The following DMD variants were observed in gnomAD, a reference collection of about 807,000 sequenced individuals.
DMD encodes dystrophin.
In DMD, 63 loss-of-function variants were observed where a neutral mutation model predicts 330.1. The ratio of observed to expected loss-of-function variants is 0.19; its 90% CI spans 0.16 to 0.24. The LOEUF (loss-of-function observed/expected upper bound fraction) is 0.24, where lower values mean the gene tolerates loss of function less well. Among genes scored for constraint, DMD ranks in the 10% least tolerant of loss-of-function variants. The probability of loss-of-function intolerance (pLI) is 1.00; values close to 1 mark genes in which losing one functional copy is unlikely to be tolerated. For synonymous variants in DMD, 1,223 were observed against 959.8 expected (o/e 1.27, Z -5.07); for missense variants, 3,344 against 2,684.1 (o/e 1.25, Z -5.43).
At chrX:31,382,758 T>C (rs1340591156) in intron 60 of DMD, among the ~76,000 whole-genome samples, 1 of 111,185 alleles carries the variant, frequency 9.0e-6, no homozygotes, top group African/African-American at 3.3e-5. Flanking sequence ...TTCAGCTTAA[T>C]CCCTCCCACT....
intron 60 of DMD, among the ~76,000 whole-genome samples, chrX:31,431,010 C>G (rs1401066231): frequency 9.2e-6 from 1 of 108,592 alleles, no homozygotes; most frequent in African/African-American, 3.4e-5. Context: ...ACCATTTGGT[C>G]AGGATGGTCT....
At chrX:31,981,224 T>TG (rs1472149907) in intron 44 of DMD, among the ~76,000 whole-genome samples, 7 of 111,404 alleles carry the variant, frequency 6.3e-5, no homozygotes, top group Non-Finnish European at 1.1e-4. Flanking sequence ...CGTGTGTATG[T>TG]GGGGGTGTAT....
chrX:31,220,108 C>T (rs2045849213), intron 64 of DMD, among the ~76,000 whole-genome samples: 1 of 111,215 alleles, frequency 9.0e-6, no homozygotes, highest in African/African-American at 3.3e-5. Context: ...CTAGGCTATA[C>T]CATCTAAGTT....
intron 44 of DMD, among the ~76,000 whole-genome samples, chrX:32,196,463 A>G (rs1022252817): frequency 6.2e-5 from 7 of 112,305 alleles, no homozygotes; most frequent in African/African-American, 1.3e-4. Context: ...TTTATGTTAT[A>G]TATTCAAATG....
At chrX:32,987,243 A>G (rs2092867761) in intron 2 of DMD, among the ~76,000 whole-genome samples, 1 of 112,127 alleles carries the variant, frequency 8.9e-6, no homozygotes, top group African/African-American at 3.2e-5. Flanking sequence ...CAGTAAAGCT[A>G]GACGGATCAA....
At chrX:31,656,534 T>C (rs2080796135) in intron 54 of DMD, among the ~76,000 whole-genome samples, 1 of 111,665 alleles carries the variant, frequency 9.0e-6, no homozygotes, top group South Asian at 3.8e-4. Context: ...CAAATTAATC[T>C]CTGACTTTAA....
At chrX:31,845,375 G>GTCTCTCTC (rs535397626) in intron 48 of DMD, among the ~76,000 whole-genome samples, 1,399 of 59,984 alleles carry the variant, frequency 0.023, 99 homozygotes, top group East Asian at 0.05. Context: ...ACAGAATAAA[G>GTCTCTCTC]TCTCTCTCTC....
Position 32,497,443 on chromosome X carries a change from T to C in DMD, c.2380+4312A>G, listed in dbSNP as rs367859578. Among the ~76,000 whole-genome samples, 4 of 112,195 alleles carry C rather than the reference T, an allele frequency of 3.6e-5. No individual in the cohort carries two copies. In the Admixed American group the frequency reaches 3.8e-4, roughly 11 times the overall value. On this transcript the variant is annotated intron_variant, in intron 19 of 78. Transcript: ENST00000357033. ...TAATTAACACACAGAAAACTACAAA[T>C]AGAAATTGAAAATGAATCACAATTT...
At chrX:31,522,363 C>CTATATATATATATATATATATATA (rs1556678891) in intron 55 of DMD, among the ~76,000 whole-genome samples, 8 of 35,958 alleles carry the variant, frequency 2.2e-4, no homozygotes, top group Admixed American at 4.2e-4. Context: ...CTCTCTCTCT[C>CTATATATATATATATATATATATA]TATATATATA....
At chrX:31,529,093 G>T (rs2073479942) in intron 55 of DMD, among the ~76,000 whole-genome samples, 2 of 111,602 alleles carry the variant, frequency 1.8e-5, no homozygotes, top group African/African-American at 6.5e-5. Flanking sequence ...ATGGTGGTGG[G>T]CACCTGTAAT....
chrX:32,938,970 T>C (rs1472565683), intron 2 of DMD, among the ~76,000 whole-genome samples: 1 of 110,604 alleles, frequency 9.0e-6, no homozygotes, highest in Non-Finnish European at 1.9e-5. Context: ...AAAATAGTTG[T>C]TGCAGAGCAA....
At chrX:33,327,342 A>G (rs1005840592) in intron 1 of DMD, among the ~76,000 whole-genome samples, 1 of 111,960 alleles carries the variant, frequency 8.9e-6, no homozygotes, top group African/African-American at 3.2e-5. Context: ...AAGAAAGAGA[A>G]AGAAATATTT....
At chrX:32,403,242 A>G (rs2098097145) in intron 30 of DMD, among the ~76,000 whole-genome samples, 1 of 112,278 alleles carries the variant, frequency 8.9e-6, no homozygotes, top group Middle Eastern at 4.6e-3. Flanking sequence ...GTAAATATTC[A>G]TTTGCATAAG....
intron 1 of DMD, among the ~76,000 whole-genome samples, chrX:33,165,978 A>G (rs1246333222): frequency 9.0e-6 from 1 of 111,260 alleles, no homozygotes; most frequent in African/African-American, 3.3e-5. Context: ...GAAGCAAAGA[A>G]GGTAACTGAA....
intron 5 of DMD, among the ~76,000 whole-genome samples, chrX:32,821,724 T>C (rs191618631): frequency 7.2e-5 from 8 of 111,807 alleles, no homozygotes; most frequent in Admixed American, 2.8e-4. Flanking sequence ...AAAGAACATG[T>C]ATTATATTGA....
At chrX:33,219,306 TTGTG>T (rs56332488) in intron 1 of DMD, among the ~76,000 whole-genome samples, 3,348 of 72,898 alleles carry the variant, frequency 0.046, 89 homozygotes, top group African/African-American at 0.08. Context: ...TTAGAGATTA[TTGTG>T]TGTGTGTGTG....
chrX:32,186,427 C>A lies in DMD; in HGVS notation c.6438+30489G>T, dbSNP rs755948507. ...GATTGATTCTGCATTTTTAGTCCAC[C>A]TTTGAATTTATAGATAAAGATCAAC... On this transcript the variant is annotated intron_variant, in intron 44 of 78. Transcript: ENST00000357033. Among the ~76,000 whole-genome samples, 5 of 111,270 alleles carry A rather than the reference C, an allele frequency of 4.5e-5. No homozygotes were observed. The East Asian group carries it at 1.4e-3, about 31-fold the overall frequency.
intron 67 of DMD, among the ~76,000 whole-genome samples, chrX:31,199,442 T>C (rs1317179): frequency 0.13 from 14,344 of 112,043 alleles, 768 homozygotes; most frequent in African/African-American, 0.18. Context: ...TCCTTTTTCA[T>C]ATCCATGGAT....
At chrX:33,174,677 A>T (rs1380621503) in intron 1 of DMD, among the ~76,000 whole-genome samples, 1 of 111,729 alleles carries the variant, frequency 9.0e-6, no homozygotes, top group Non-Finnish European at 1.9e-5. Flanking sequence ...TCAAACAAGA[A>T]AAAAATAAAA....
Sources: gnomAD v4.1 joint callset for allele counts (sites outside exome capture counted in the v4.1 genomes callset) on GRCh38, gnomAD v4.1.1 for gene constraint, MANE v1.5 for transcripts, NCBI Gene and HGNC (gene_info 2026-07-23, HGNC 2026-07-21) for gene names.